DLGAP2: variants seen among roughly 807,000 people sequenced by gnomAD.
The protein encoded by DLGAP2 is disks large-associated protein 2.
A neutral mutation model predicts 100.3 loss-of-function variants in DLGAP2; 26 were observed. That is an observed-to-expected ratio of 0.26 (90% CI 0.19 to 0.36). The LOEUF (loss-of-function observed/expected upper bound fraction) is 0.36, where lower values mean the gene tolerates loss of function less well. Ranked by LOEUF, DLGAP2 falls within the 10% of genes least tolerant of loss-of-function variation. DLGAP2 has a pLI of 1.00. For synonymous variants in DLGAP2, 886 were observed against 630.1 expected (o/e 1.41, Z -6.08); for missense variants, 1,858 against 1,453.2 (o/e 1.28, Z -4.53).
chr8:1,050,501 G>A (rs547378540), intron 2 of DLGAP2, among the ~76,000 whole-genome samples: 1 of 152,298 alleles, frequency 6.6e-6, no homozygotes, highest in East Asian at 1.9e-4. Context: ...TGTATTAAAT[G>A]CATTTTTGAC....
intron 3 of DLGAP2, among the ~76,000 whole-genome samples, chr8:1,308,705 A>G (rs1372470271): frequency 6.6e-6 from 1 of 152,122 alleles, no homozygotes. Flanking sequence ...TTGCATTTTT[A>G]ATAGAAATTA....
intron 2 of DLGAP2, among the ~76,000 whole-genome samples, chr8:1,132,593 C>T (rs1239647059): frequency 1.3e-5 from 2 of 152,360 alleles, no homozygotes; most frequent in South Asian, 4.1e-4. Flanking sequence ...ACTCGCCCAA[C>T]ACAGTAAAGC....
At chr8:1,412,758 C>T (rs1204421260) in intron 3 of DLGAP2, among the ~76,000 whole-genome samples, 2 of 152,174 alleles carry the variant, frequency 1.3e-5, no homozygotes, top group Non-Finnish European at 2.9e-5. Flanking sequence ...AAGGCAATTG[C>T]CAGCTGTGAT....
At chr8:996,411 T>C (rs1800785420) in intron 2 of DLGAP2, among the ~76,000 whole-genome samples, 1 of 151,778 alleles carries the variant, frequency 6.6e-6, no homozygotes, top group South Asian at 2.1e-4. Context: ...CCTCAGCGTG[T>C]GTGCTTTGAG....
At chr8:1,267,636 G>GAA (rs1799493421) in intron 3 of DLGAP2, among the ~76,000 whole-genome samples, 1 of 20,682 alleles carries the variant, frequency 4.8e-5, no homozygotes, top group Non-Finnish European at 1.2e-4. Flanking sequence ...ATATTAAATA[G>GAA]GTCTACAAAA....
chr8:1,071,260 C>T (rs1245415748), intron 2 of DLGAP2, among the ~76,000 whole-genome samples: 1 of 152,218 alleles, frequency 6.6e-6, no homozygotes, highest in East Asian at 1.9e-4. Flanking sequence ...TTAGACTACA[C>T]TTGTCACCTT....
intron 5 of DLGAP2, among the ~76,000 whole-genome samples, chr8:1,551,412 TG>T (rs929829093): frequency 6.6e-6 from 1 of 152,152 alleles, no homozygotes; most frequent in Non-Finnish European, 1.5e-5. Flanking sequence ...CTCCAGGTTT[TG>T]CCCCAGGGTC....
At chr8:1,294,582 T>A (rs182147933) in intron 3 of DLGAP2, among the ~76,000 whole-genome samples, 2 of 152,246 alleles carry the variant, frequency 1.3e-5, no homozygotes, top group Non-Finnish European at 2.9e-5. Flanking sequence ...GTGGCATCAC[T>A]GGGTCAATGT....
chr8:960,235 A>ATTTTTTTT (rs1209692955), intron 2 of DLGAP2, among the ~76,000 whole-genome samples: 1 of 8,342 alleles, frequency 1.2e-4, no homozygotes, highest in Non-Finnish European at 2.3e-4. Context: ...CCTGAAGTAT[A>ATTTTTTTT]TCTTTTTTTT....
intron 2 of DLGAP2, among the ~76,000 whole-genome samples, chr8:1,130,989 C>A (rs1796281606): frequency 6.6e-6 from 1 of 152,228 alleles, no homozygotes; most frequent in South Asian, 2.1e-4. Flanking sequence ...GCCCAGAGCA[C>A]AGCTTACTCC....
intron 2 of DLGAP2, among the ~76,000 whole-genome samples, chr8:1,087,202 C>T (rs78635503): frequency 5.9e-5 from 9 of 152,014 alleles, no homozygotes; most frequent in East Asian, 1.9e-4. Context: ...TCATGCGTAC[C>T]GAAACATATG....
intron 1 of DLGAP2, among the ~76,000 whole-genome samples, chr8:870,377 C>A (rs1458588822): frequency 2.0e-5 from 3 of 152,166 alleles, no homozygotes. Context: ...ACCGGCATTC[C>A]TGTTCCCTCC....
chr8:746,684 T>A (rs1820625517), intron 1 of DLGAP2, among the ~76,000 whole-genome samples: 1 of 152,252 alleles, frequency 6.6e-6, no homozygotes, highest in East Asian at 1.9e-4. Context: ...CTGTTTTTGT[T>A]TTTTTGCTGT....
chr8:1,542,026 C>G lies in DLGAP2; in HGVS notation c.173-6600C>G, dbSNP rs558119125. 5.3e-5 allele frequency among the ~76,000 whole-genome samples: 8 copies of G among 152,318 alleles called. No individual in the cohort carries two copies. The East Asian group carries it at 1.2e-3, about 22-fold the overall frequency. On this transcript the variant is annotated intron_variant, in intron 4 of 14. Transcript: ENST00000637795. ...GAGCCATATAGTGATCAGAGCAACA[C>G]AGGAAACAGCTTCAGCCACATTCTT...
intron 1 of DLGAP2, among the ~76,000 whole-genome samples, chr8:790,451 T>C (rs1821996267): frequency 6.6e-6 from 1 of 152,188 alleles, no homozygotes; most frequent in South Asian, 2.1e-4. Context: ...TTTGCTGTGG[T>C]TTTCATCTAT....
intron 4 of DLGAP2, among the ~76,000 whole-genome samples, chr8:1,532,979 C>T (rs554179322): frequency 6.6e-6 from 1 of 152,210 alleles, no homozygotes; most frequent in South Asian, 2.1e-4. Flanking sequence ...GAGATGCATT[C>T]ACCTGCACTT....
At chr8:1,097,468 C>G (rs1804418119) in intron 2 of DLGAP2, among the ~76,000 whole-genome samples, 1 of 136,090 alleles carries the variant, frequency 7.3e-6, no homozygotes, top group Non-Finnish European at 1.6e-5. Context: ...GAGAGTCAAG[C>G]TGGGAGCCTA....
At chr8:885,156 A>C (rs892496790) in intron 1 of DLGAP2, among the ~76,000 whole-genome samples, 3 of 152,132 alleles carry the variant, frequency 2.0e-5, no homozygotes, top group African/African-American at 7.2e-5. Flanking sequence ...TAGTTTTTTC[A>C]AATTCTGTGA....
intron 8 of DLGAP2, among the ~76,000 whole-genome samples, chr8:1,659,370 G>C (rs1798358075): frequency 6.6e-6 from 1 of 152,178 alleles, no homozygotes. Context: ...ACTTGGTCCA[G>C]AGCTGAGTTC....
Sources: gnomAD v4.1 joint callset for allele counts (sites outside exome capture counted in the v4.1 genomes callset) on GRCh38, gnomAD v4.1.1 for gene constraint, MANE v1.5 for transcripts, NCBI Gene and HGNC (gene_info 2026-07-23, HGNC 2026-07-21) for gene names.